The following RSAD2 variants were observed in gnomAD, a reference collection of about 807,000 sequenced individuals.
RSAD2 encodes the protein S-adenosylmethionine-dependent nucleotide dehydratase RSAD2.
RSAD2 carries 38 observed loss-of-function variants against 37.7 expected under a neutral mutation model. The observed-to-expected ratio is 1.01, with a 90% CI of 0.78 to 1.32. RSAD2 has a LOEUF of 1.32. Ranked by LOEUF, RSAD2 falls within the 40% of genes most tolerant of loss-of-function variation. The probability of loss-of-function intolerance (pLI) is 0.00; values close to 1 mark genes in which losing one functional copy is unlikely to be tolerated. For missense variants in RSAD2, 428 were observed against 437.5 expected (o/e 0.98, Z 0.19); for synonymous variants, 163 against 157.4 (o/e 1.04, Z -0.27).
chr2:6,883,508 C>A lies in RSAD2; in HGVS notation c.484C>A (p.Arg162=). The A allele has an allele frequency of 1.9e-6, 3 of 1,614,130 alleles. No individual in the cohort carries two copies. The highest frequency in any genetic ancestry group is 2.5e-6 in the Non-Finnish European group (3 of 1,180,030). ...CATCGTGAGCAATGGAAGCCTGATCCGGGAGAGGTGGTTCCAGAATTATGG... is the reference window on the plus strand; with the variant it reads ...CATCGTGAGCAATGGAAGCCTGATCAGGGAGAGGTGGTTCCAGAATTATGG... The part of the protein sequence containing the change: ...VSIVSNGSLI[R]ERWFQNYGEY... Residue 162 remains arginine (R), a synonymous_variant, in exon 2 of 6, where the codon CGG becomes AGG. Transcript: ENST00000382040.
Position 6,890,205 on chromosome 2 carries a change from G to C in RSAD2, c.768G>C (p.Glu256Asp). Residue 256 changes from glutamate to aspartate, a missense_variant, in exon 4 of 6, where the codon GAG becomes GAC. Physicochemically the swap from Glu to Asp is conservative, Grantham distance 45. Transcript: ENST00000382040. ...KVFQCLLIEG[E>D]NCGEDALREA... is the part of the protein sequence containing the mutation. ...TCCAGTGCCTCTTAATTGAGGGTGAGAATTGTGGAGAAGATGCTCTAAGAG... is the reference window on the plus strand; with the variant it reads ...TCCAGTGCCTCTTAATTGAGGGTGACAATTGTGGAGAAGATGCTCTAAGAG... The C allele has an allele frequency of 6.2e-7, 1 of 1,614,214 alleles. No homozygotes were observed. Among genetic ancestry groups the C allele is most frequent in the Non-Finnish European group, 8.5e-7 (1 of 1,180,034 alleles).
upstream of RSAD2, among the ~76,000 whole-genome samples, chr2:6,876,249 A>G (rs1425440038): frequency 6.6e-6 from 1 of 152,184 alleles, no homozygotes; most frequent in Non-Finnish European, 1.5e-5. Flanking sequence ...CTTCCCCTGC[A>G]GTAGGGTTCC....
upstream of RSAD2, among the ~76,000 whole-genome samples, chr2:6,875,700 C>T (rs1215637056): frequency 1.3e-5 from 2 of 152,134 alleles, no homozygotes; most frequent in African/African-American, 4.8e-5. Flanking sequence ...CATGGAAATA[C>T]CTTTTACCCA....
intron 1 of RSAD2, chr2:6,866,536 A>C: frequency 9.5e-6 from 9 of 950,744 alleles, no homozygotes; most frequent in Non-Finnish European, 1.1e-5. Flanking sequence ...CTTCCACCAA[A>C]TTGAAGTTTC....
chr2:6,895,650 C>A, intron 5 of RSAD2, 128 bp from the exon 6 acceptor site: 1 of 855,306 alleles, frequency 1.2e-6, no homozygotes, highest in Non-Finnish European at 1.8e-6. Context: ...CAATATCAGC[C>A]ACAGATTTCA....
chr2:6,891,710 T>C (rs932604722), intron 4 of RSAD2, among the ~76,000 whole-genome samples: 6 of 152,126 alleles, frequency 3.9e-5, no homozygotes, highest in African/African-American at 1.4e-4. Flanking sequence ...GAGCTTGCAA[T>C]GAGCGGAGAT....
chr2:6,882,757 C>T (rs1181136135), intron 1 of RSAD2, among the ~76,000 whole-genome samples: 1 of 152,156 alleles, frequency 6.6e-6, no homozygotes, highest in Non-Finnish European at 1.5e-5. Context: ...AAGCCATGCA[C>T]TTACAAAGGA....
chr2:6,890,937 T>C (rs532318418), intron 4 of RSAD2, among the ~76,000 whole-genome samples: 54 of 151,932 alleles, frequency 3.6e-4, no homozygotes, highest in African/African-American at 1.3e-3. Flanking sequence ...TCTCAGAAGC[T>C]ACAGGAAAAA....
intron 5 of RSAD2, among the ~76,000 whole-genome samples, chr2:6,894,476 C>CT (rs1019900254): frequency 9.9e-5 from 15 of 151,282 alleles, no homozygotes; most frequent in Non-Finnish European, 1.9e-4. Context: ...TCTTTCTTTT[C>CT]TTTTTTTTTC....
chr2:6,876,194 G>A (rs750703922), upstream of RSAD2, among the ~76,000 whole-genome samples: 1 of 152,164 alleles, frequency 6.6e-6, no homozygotes, highest in Non-Finnish European at 1.5e-5. Context: ...CCTCCTGGCT[G>A]GACCTTCTAG....
At chr2:6,887,935 G>A (rs985887767) in intron 3 of RSAD2, among the ~76,000 whole-genome samples, 1 of 152,232 alleles carries the variant, frequency 6.6e-6, no homozygotes, top group East Asian at 1.9e-4. Flanking sequence ...AAAAAGAGAT[G>A]TGGGAAAAGT....
At chr2:6,891,955 CAG>C (rs1433451434) in intron 4 of RSAD2, among the ~76,000 whole-genome samples, 2 of 152,022 alleles carry the variant, frequency 1.3e-5, no homozygotes, top group Non-Finnish European at 2.9e-5. Context: ...AGATAAAAAA[CAG>C]TATGCAAAAT....
chr2:6,877,625 T>C, upstream of RSAD2: 1 of 599,288 alleles, frequency 1.7e-6, no homozygotes, highest in Admixed American at 3.0e-5. Context: ...CTTGGCCCTG[T>C]TTCAACTTTC....
intron 2 of RSAD2, among the ~76,000 whole-genome samples, chr2:6,884,006 G>T (rs916491095): frequency 1.7e-4 from 26 of 152,218 alleles, no homozygotes; most frequent in African/African-American, 6.0e-4. Context: ...TAAGGCTGCT[G>T]AGATTCCTCG....
chr2:6,874,412 A>G (rs771444667), upstream of RSAD2, among the ~76,000 whole-genome samples: 40 of 152,336 alleles, frequency 2.6e-4, no homozygotes, highest in East Asian at 1.7e-3. Flanking sequence ...TAATGATTGT[A>G]TGCCACAAAA....
upstream of RSAD2, among the ~76,000 whole-genome samples, chr2:6,872,886 T>C (rs140929264): frequency 7.0e-3 from 1,068 of 152,282 alleles, 8 homozygotes; most frequent in African/African-American, 0.024. Flanking sequence ...CTTAGTAAAA[T>C]TGCAAGAGGT....
intron 2 of RSAD2, chr2:6,883,758 C>T: frequency 1.8e-6 from 1 of 549,098 alleles, no homozygotes; most frequent in Non-Finnish European, 3.2e-6. Flanking sequence ...GATAATAGAC[C>T]TTTTACTGAG....
upstream of RSAD2, among the ~76,000 whole-genome samples, chr2:6,874,090 T>C (rs966194004): frequency 6.6e-6 from 1 of 152,200 alleles, no homozygotes; most frequent in Admixed American, 6.5e-5. Flanking sequence ...AGTGAGTTCT[T>C]GTGAGATCTG....
At chr2:6,893,648 T>A (rs1212485347) in intron 4 of RSAD2, 23 bp from the exon 5 acceptor site, 25 of 1,598,400 alleles carry the variant, frequency 1.6e-5, no homozygotes, top group Non-Finnish European at 2.0e-5. Context: ...GAAACTAAAT[T>A]TGTATTAACT....
Sources: allele counts gnomAD v4.1 joint callset (sites outside exome capture counted in the v4.1 genomes callset), GRCh38; gene constraint gnomAD v4.1.1; transcripts MANE v1.5; gene names NCBI Gene and HGNC (gene_info 2026-07-23, HGNC 2026-07-21).